PCDH15: variants seen among roughly 807,000 people sequenced by gnomAD.
The protein encoded by PCDH15 is protocadherin related 15.
A neutral mutation model predicts 178.5 loss-of-function variants in PCDH15; 129 were observed. The observed-to-expected ratio is 0.72, with a 90% confidence interval of 0.63 to 0.84. The LOEUF is 0.84. PCDH15 is among the 40% of genes least tolerant of loss of function. PCDH15 has a pLI of 0.00. For missense variants in PCDH15, 2,230 were observed against 2,099.9 expected, an observed-to-expected ratio of 1.06 and a Z score of -1.21; for synonymous variants, 800 against 732.0, an observed-to-expected ratio of 1.09 and a Z score of -1.50.
At chr10:54,150,335 C>T (rs2044397857) in intron 14 of PCDH15, among the ~76,000 whole-genome samples, 1 of 152,048 alleles carries the variant, frequency 6.6e-6, no homozygotes, top group Non-Finnish European at 1.5e-5. Context: ...GATGATCACA[C>T]ACCCTGCAAA....
At chr10:54,314,057 G>A (rs1437408320) in intron 8 of PCDH15, among the ~76,000 whole-genome samples, 1 of 150,890 alleles carries the variant, frequency 6.6e-6, no homozygotes, top group Non-Finnish European at 1.5e-5. Flanking sequence ...CTATTAACTC[G>A]GAAACATAAA....
At chr10:54,593,410 C>A (rs2092007578) in intron 2 of PCDH15, among the ~76,000 whole-genome samples, 1 of 152,142 alleles carries the variant, frequency 6.6e-6, no homozygotes, top group Non-Finnish European at 1.5e-5. Context: ...GTTTTCTCAG[C>A]ACCATTTATT....
intron 2 of PCDH15, among the ~76,000 whole-genome samples, chr10:55,348,791 G>T (rs563950651): frequency 1.3e-5 from 2 of 152,122 alleles, no homozygotes; most frequent in Non-Finnish European, 2.9e-5. Context: ...CAGTGTAACT[G>T]AAAGGAAAGA....
intron 1 of PCDH15, among the ~76,000 whole-genome samples, chr10:55,243,685 A>G (rs1392636693): frequency 6.6e-6 from 1 of 152,216 alleles, no homozygotes; most frequent in Non-Finnish European, 1.5e-5. Context: ...TAATTAACTG[A>G]CAATAATAAT....
At chr10:55,544,946 C>T (rs1841845985) in intron 2 of PCDH15, among the ~76,000 whole-genome samples, 2 of 152,092 alleles carry the variant, frequency 1.3e-5, no homozygotes, top group African/African-American at 4.8e-5. Context: ...CATGCATCAA[C>T]AAACCTTGGA....
intron 1 of PCDH15, among the ~76,000 whole-genome samples, chr10:54,771,883 T>C (rs1949134394): frequency 6.6e-6 from 1 of 152,170 alleles, no homozygotes. Context: ...TGAAAGTATC[T>C]GTATATGTAA....
At chr10:54,070,727 C>A (rs1054702105) in intron 17 of PCDH15, among the ~76,000 whole-genome samples, 12 of 151,998 alleles carry the variant, frequency 7.9e-5, no homozygotes, top group African/African-American at 2.9e-4. Flanking sequence ...GTAGGTGGGA[C>A]TACAGGTGCA....
At chr10:55,188,863 G>T (rs892402518) in intron 1 of PCDH15, among the ~76,000 whole-genome samples, 1 of 151,162 alleles carries the variant, frequency 6.6e-6, no homozygotes, top group Non-Finnish European at 1.5e-5. Context: ...TCAACTATTT[G>T]CTTCCTGAAG....
chr10:54,488,139 A>G (rs2079261497), intron 3 of PCDH15, among the ~76,000 whole-genome samples: 1 of 151,826 alleles, frequency 6.6e-6, no homozygotes, highest in Non-Finnish European at 1.5e-5. Context: ...TAAACTTTTC[A>G]TACTGTTTTA....
chr10:55,098,718 G>A (rs1402110616), intron 2 of PCDH15, among the ~76,000 whole-genome samples: 1 of 151,992 alleles, frequency 6.6e-6, no homozygotes, highest in Non-Finnish European at 1.5e-5. Flanking sequence ...ACCAATTTGC[G>A]GGCTCTATGT....
At chr10:55,093,493 T>C (rs528885995) in intron 2 of PCDH15, among the ~76,000 whole-genome samples, 5 of 152,238 alleles carry the variant, frequency 3.3e-5, no homozygotes, top group Non-Finnish European at 7.4e-5. Flanking sequence ...TTAGATCCCA[T>C]TTGTCAATTT....
intron 2 of PCDH15, among the ~76,000 whole-genome samples, chr10:54,651,153 C>T (rs552635958): frequency 5.3e-5 from 8 of 151,048 alleles, no homozygotes; most frequent in South Asian, 2.1e-4. Flanking sequence ...AGATGGATTA[C>T]GAGAAAGAAA....
chr10:53,967,222 C>T (rs1900446), intron 21 of PCDH15, among the ~76,000 whole-genome samples: 109,396 of 151,916 alleles, frequency 0.72, 39,692 homozygotes, highest in East Asian at 0.87. Context: ...GCTTGGCACT[C>T]CTCCTTGCTG....
At chr10:54,227,633 T>C (rs1237272134) in intron 9 of PCDH15, among the ~76,000 whole-genome samples, 1 of 152,200 alleles carries the variant, frequency 6.6e-6, no homozygotes, top group Non-Finnish European at 1.5e-5. Context: ...CCAGCTTGAA[T>C]TTCTCCTCAA....
intron 2 of PCDH15, among the ~76,000 whole-genome samples, chr10:54,628,622 G>T (rs937895660): frequency 9.9e-5 from 15 of 152,078 alleles, no homozygotes; most frequent in Admixed American, 3.9e-4. Context: ...TATTATACGT[G>T]ATTAATTACT....
chr10:54,994,801 T>C (rs1475277472), intron 2 of PCDH15, among the ~76,000 whole-genome samples: 1 of 152,054 alleles, frequency 6.6e-6, no homozygotes, highest in Non-Finnish European at 1.5e-5. Flanking sequence ...AACCATTACA[T>C]AGGTTTTTGC....
intron 26 of PCDH15, among the ~76,000 whole-genome samples, chr10:53,899,255 T>TA (rs1307673208): frequency 2.0e-5 from 3 of 152,076 alleles, no homozygotes; most frequent in Admixed American, 6.5e-5. Flanking sequence ...ATATTTTCTT[T>TA]AAAAAAATGA....
intron 2 of PCDH15, among the ~76,000 whole-genome samples, chr10:55,442,780 A>T (rs1401028751): frequency 6.6e-6 from 1 of 151,908 alleles, no homozygotes; most frequent in South Asian, 2.1e-4. Flanking sequence ...ACTTTTACCT[A>T]TGTTACCCAT....
chr10:55,623,796 A>G (rs779348866), intron 2 of PCDH15, among the ~76,000 whole-genome samples: 71 of 151,694 alleles, frequency 4.7e-4, no homozygotes, highest in South Asian at 1.3e-3. Flanking sequence ...TCTAATAGAT[A>G]TCCATTGGCT....
Sources: gnomAD v4.1 joint callset for allele counts (sites outside exome capture counted in the v4.1 genomes callset) on GRCh38, gnomAD v4.1.1 for gene constraint, MANE v1.5 for transcripts, NCBI Gene and HGNC (gene_info 2026-07-23, HGNC 2026-07-21) for gene names.